RABGAP1L: variants seen among roughly 807,000 people sequenced by gnomAD.
RABGAP1L encodes the protein rab GTPase-activating protein 1-like.
RABGAP1L carries 63 observed loss-of-function variants against 137.7 expected under a neutral mutation model. The observed-to-expected ratio is 0.46, with a 90% CI of 0.37 to 0.56. The LOEUF (loss-of-function observed/expected upper bound fraction) is 0.56, where lower values mean the gene tolerates loss of function less well. Among genes scored for constraint, RABGAP1L ranks in the 20% least tolerant of loss-of-function variants. The probability of loss-of-function intolerance (pLI) is 0.00; values close to 1 mark genes in which losing one functional copy is unlikely to be tolerated. For missense variants in RABGAP1L, 1,095 were observed against 1,244.0 expected (o/e 0.88, Z 1.80); for synonymous variants, 431 against 433.7 (o/e 0.99, Z 0.08).
At chr1:174,402,188 T>C (rs777025220) in intron 13 of RABGAP1L, among the ~76,000 whole-genome samples, 18 of 152,122 alleles carry the variant, frequency 1.2e-4, no homozygotes, top group Non-Finnish European at 1.9e-4. Flanking sequence ...GATTCCCATT[T>C]TTACCATCAA....
At chr1:174,441,710 G>A (rs1415606645) in intron 13 of RABGAP1L, among the ~76,000 whole-genome samples, 1 of 151,966 alleles carries the variant, frequency 6.6e-6, no homozygotes, top group African/African-American at 2.4e-5. Context: ...CTCCTGCCTG[G>A]TCAACAAGAT....
In RABGAP1L at chr1:174,620,928, C is replaced by T. The variant is rs541451891; in HGVS notation, c.1711-16447C>T. ...AGAAAAGAGAGAAGAATCAAATAGA[C>T]GCAATAAAAAATGATAAAGGGGATA... is the stretch of plus-strand genomic sequence containing the variant. On this transcript the variant is annotated intron_variant, in intron 13 of 25. Coordinates refer to ENST00000681986, the MANE Select transcript of RABGAP1L (RefSeq NM_001366446.1). Among the ~76,000 whole-genome samples the T allele has an allele frequency of 1.2e-4, 18 of 151,942 alleles. No individual in the cohort carries two copies. The East Asian group carries it at 1.4e-3, about 11-fold the overall frequency.
chr1:174,675,482 G>A (rs1365370807), intron 14 of RABGAP1L, among the ~76,000 whole-genome samples: 1 of 151,390 alleles, frequency 6.6e-6, no homozygotes, highest in Non-Finnish European at 1.5e-5. Context: ...TGCTGTTTTG[G>A]TTACTGTAGC....
At chr1:174,231,777 G>A (rs1176361494) in intron 4 of RABGAP1L, among the ~76,000 whole-genome samples, 1 of 152,042 alleles carries the variant, frequency 6.6e-6, no homozygotes, top group African/African-American at 2.4e-5. Flanking sequence ...AGGGGGAGGT[G>A]CCACACGCTT....
At chr1:174,925,927 T>C (rs1374097652) in intron 19 of RABGAP1L, among the ~76,000 whole-genome samples, 2 of 143,752 alleles carry the variant, frequency 1.4e-5, no homozygotes, top group African/African-American at 5.0e-5. Flanking sequence ...TGCAGTGGTG[T>C]GATCTTGGCT....
At chr1:174,987,878 C>T (rs917698240) in intron 24 of RABGAP1L, among the ~76,000 whole-genome samples, 3 of 152,112 alleles carry the variant, frequency 2.0e-5, no homozygotes, top group Admixed American at 6.5e-5. Flanking sequence ...GGCGCGATCT[C>T]GGCTCACTGC....
intron 19 of RABGAP1L, among the ~76,000 whole-genome samples, chr1:174,821,318 T>C (rs1340141255): frequency 6.6e-6 from 1 of 152,090 alleles, no homozygotes; most frequent in Admixed American, 6.5e-5. Flanking sequence ...CACACCAAAA[T>C]TGTCTTCCTA....
At chr1:174,863,670 C>CT (rs1650696021) in intron 19 of RABGAP1L, among the ~76,000 whole-genome samples, 1 of 132,094 alleles carries the variant, frequency 7.6e-6, no homozygotes, top group African/African-American at 2.9e-5. Context: ...GAGACTCCGT[C>CT]TTAAAAAAAA....
chr1:174,182,253 T>C lies in RABGAP1L; in HGVS notation c.-34+22596T>C, dbSNP rs187281468. Among the ~76,000 whole-genome samples the C allele has an allele frequency of 2.0e-3, 312 of 152,302 alleles. 1 individual carries two copies. The highest frequency in any genetic ancestry group is 3.2e-3 in the Non-Finnish European group (221 of 68,022). On this transcript the variant is annotated intron_variant, in intron 1 of 25. Coordinates refer to ENST00000681986, the MANE Select transcript of RABGAP1L (RefSeq NM_001366446.1). ...GATTCGGGGAAAAAAAAATGAAATA[T>C]GCATTAAGGAGATGAAGCATAGGCT... is the stretch of plus-strand genomic sequence containing the variant.
chr1:174,312,117 G>C (rs1268849827), intron 11 of RABGAP1L, among the ~76,000 whole-genome samples: 2 of 152,126 alleles, frequency 1.3e-5, no homozygotes, highest in Admixed American at 1.3e-4. Context: ...CCCAGCAGTG[G>C]GATTGCTGGA....
chr1:174,370,914 G>A (rs972886416), intron 11 of RABGAP1L, 65 bp from the exon 12 acceptor site: 12 of 795,046 alleles, frequency 1.5e-5, no homozygotes, highest in Admixed American at 7.2e-5. Flanking sequence ...TTTATTGTAT[G>A]ATATATAAAG....
intron 13 of RABGAP1L, among the ~76,000 whole-genome samples, chr1:174,424,066 C>T (rs1173155290): frequency 6.6e-6 from 1 of 152,028 alleles, no homozygotes; most frequent in Non-Finnish European, 1.5e-5. Flanking sequence ...ACAAAGAAAG[C>T]ATAGCATATA....
At chr1:174,499,723 G>T (rs1661083440) in intron 13 of RABGAP1L, among the ~76,000 whole-genome samples, 1 of 152,168 alleles carries the variant, frequency 6.6e-6, no homozygotes, top group Non-Finnish European at 1.5e-5. Context: ...CTTATTGAGG[G>T]TTGGTAAATG....
At chr1:174,955,433 C>G (rs1340577317) in intron 19 of RABGAP1L, among the ~76,000 whole-genome samples, 1 of 152,114 alleles carries the variant, frequency 6.6e-6, no homozygotes, top group East Asian at 1.9e-4. Context: ...GGAATGACAC[C>G]TGGAGTCTTT....
chr1:174,936,632 T>A (rs936125742), intron 19 of RABGAP1L, among the ~76,000 whole-genome samples: 1 of 152,106 alleles, frequency 6.6e-6, no homozygotes, highest in African/African-American at 2.4e-5. Flanking sequence ...ATTCTTTGAA[T>A]TGGCAGATAT....
chr1:174,617,471 A>G (rs1671995570), intron 13 of RABGAP1L, among the ~76,000 whole-genome samples: 1 of 152,260 alleles, frequency 6.6e-6, no homozygotes, highest in South Asian at 2.1e-4. Flanking sequence ...ATTGAGAACT[A>G]GAACTGTTAT....
intron 19 of RABGAP1L, among the ~76,000 whole-genome samples, chr1:174,917,306 C>T (rs1280127596): frequency 1.3e-5 from 2 of 152,042 alleles, no homozygotes; most frequent in African/African-American, 4.8e-5. Context: ...CCAATTACAT[C>T]AGTATTACAG....
At chr1:174,624,054 T>G (rs1311333420) in intron 13 of RABGAP1L, among the ~76,000 whole-genome samples, 1 of 152,246 alleles carries the variant, frequency 6.6e-6, no homozygotes, top group African/African-American at 2.4e-5. Flanking sequence ...GTGTTTGCAT[T>G]GAAAATCACC....
chr1:174,331,840 C>T (rs1003224370), intron 11 of RABGAP1L, among the ~76,000 whole-genome samples: 1 of 136,926 alleles, frequency 7.3e-6, no homozygotes, highest in Non-Finnish European at 1.6e-5. Context: ...CCCCACCCCA[C>T]AACCGTCCCT....
Sources: allele counts gnomAD v4.1 joint callset (sites outside exome capture counted in the v4.1 genomes callset), GRCh38; gene constraint gnomAD v4.1.1; transcripts MANE v1.5; gene names NCBI Gene and HGNC (gene_info 2026-07-23, HGNC 2026-07-21).